The following ANKRD36 variants were observed in gnomAD, a reference collection of about 807,000 sequenced individuals.
The protein encoded by ANKRD36 is ankyrin repeat domain-containing protein 36A.
ANKRD36 carries 179 observed loss-of-function variants against 278.1 expected under a neutral mutation model. That is an observed-to-expected ratio of 0.64 (90% CI 0.57 to 0.73). ANKRD36 has a LOEUF of 0.73. ANKRD36 is among the 30% of genes least tolerant of loss of function. ANKRD36 has a pLI of 0.00. For synonymous variants in ANKRD36, 320 were observed against 641.1 expected (o/e 0.50, Z 7.57); for missense variants, 1,159 against 1,956.7 (o/e 0.59, Z 7.69).
chr2:97,132,066 A>T (rs1425664543), intron 6 of ANKRD36, among the ~76,000 whole-genome samples: 1 of 151,810 alleles, frequency 6.6e-6, no homozygotes, highest in African/African-American at 2.4e-5. Flanking sequence ...TGACCTTGTG[A>T]TCTGCCCGCC....
rs1439763980 is a variant in ANKRD36 at position 97,149,374 on chromosome 2, C to G, written c.1101+13C>G. The G allele has an allele frequency of 6.6e-7, 1 of 1,510,694 alleles. No individual in the cohort carries two copies. The highest frequency in any genetic ancestry group is 1.4e-5 in the African/African-American group (1 of 71,588). The allele number at this position is 1,510,694 out of a possible 1,614,324, so 93.6% of individuals were successfully genotyped here. On this transcript the variant is annotated intron_variant, in intron 12 of 75. Coordinates refer to ENST00000420699, the MANE Select transcript of ANKRD36 (RefSeq NM_001354587.1). The stretch of plus-strand genomic sequence containing the variant: ...TTTGGAATCTGAGGTAGAGTACTCT[C>G]TTGTGAAATTAATTTTCTCCCTCTG...
chr2:97,161,423 C>A (rs2048853372), intron 17 of ANKRD36, among the ~76,000 whole-genome samples: 1 of 151,988 alleles, frequency 6.6e-6, no homozygotes, highest in South Asian at 2.1e-4. Context: ...TTTCTCATAT[C>A]TTATTACTGT....
rs2050046129 is a variant in ANKRD36 at position 97,164,330 on chromosome 2, A to G, written c.1458+19A>G. 6.5e-7 allele frequency: 1 copy of G among 1,534,922 alleles called. No individual in the cohort carries two copies. Among genetic ancestry groups the G allele is most frequent in the Admixed American group, 2.0e-5 (1 of 50,684 alleles). On this transcript the variant is annotated intron_variant, in intron 19 of 75. Transcript: ENST00000420699. ...ATTCACGGTAAACATATTTTCTTTA[A>G]TTATTAACAAAATGCTCTGTGATAT...
intron 52 of ANKRD36, among the ~76,000 whole-genome samples, chr2:97,206,464 G>A (rs1024607361): frequency 2.0e-5 from 3 of 151,450 alleles, no homozygotes; most frequent in South Asian, 2.1e-4. Flanking sequence ...AAGAGAGGAA[G>A]TATCGATTTT....
At chr2:97,229,329 G>A (rs1156495535) in intron 67 of ANKRD36, among the ~76,000 whole-genome samples, 2 of 151,686 alleles carry the variant, frequency 1.3e-5, no homozygotes, top group Non-Finnish European at 2.9e-5. Flanking sequence ...TCCTGTATTG[G>A]GTGCATATAT....
At chr2:97,167,021 G>A (rs1403800277) in intron 20 of ANKRD36, among the ~76,000 whole-genome samples, 3 of 151,852 alleles carry the variant, frequency 2.0e-5, no homozygotes, top group African/African-American at 7.2e-5. Context: ...GGTTAGATTT[G>A]TTTTATGGGA....
rs1462673948 is a variant in ANKRD36, at chr2:97,155,082, AAT to A, written c.1260+342_1260+343del. On this transcript the variant is annotated intron_variant, in intron 15 of 75. Coordinates refer to ENST00000420699, the MANE Select transcript of ANKRD36 (RefSeq NM_001354587.1). ...TAGGCTTATCTGAGTAAGTGTTTTT[AAT>A]CTGAGTTGTATATCATATGAGTATG... Among the ~76,000 whole-genome samples, 27 of 139,544 alleles carry A rather than the reference AAT, an allele frequency of 1.9e-4. 2 individuals carry two copies. The highest frequency in any genetic ancestry group is 4.3e-4 in the South Asian group (2 of 4,654). The allele number at this position is 139,544 out of a possible 152,430, so 91.5% of individuals were successfully genotyped here.
rs1193846991 is a variant in ANKRD36 at position 97,127,371 on chromosome 2, G to A, written c.799+237G>A. Among the ~76,000 whole-genome samples, 6 of 151,696 alleles carry A rather than the reference G, an allele frequency of 4.0e-5. No homozygotes were observed. The South Asian group carries it at 1.3e-3, about 32-fold the overall frequency. On this transcript the variant is annotated intron_variant, in intron 6 of 75. Coordinates refer to ENST00000420699, the MANE Select transcript of ANKRD36 (RefSeq NM_001354587.1). ...AATTATGGTTCCTAATATTCTAGAT[G>A]ACCTTTTTGTGTAAATAAGAAAACA...
At chr2:97,232,232 G>T (rs1169310984) in intron 67 of ANKRD36, among the ~76,000 whole-genome samples, 1 of 150,894 alleles carries the variant, frequency 6.6e-6, no homozygotes, top group African/African-American at 2.4e-5. Flanking sequence ...TGACAGAAAA[G>T]ACATCTAAGA....
At chr2:97,138,584 CT>C (rs1357938601) in intron 6 of ANKRD36, among the ~76,000 whole-genome samples, 11 of 151,968 alleles carry the variant, frequency 7.2e-5, no homozygotes, top group Admixed American at 6.6e-5. Flanking sequence ...GAAAAAACTA[CT>C]TTAAATTTCA....
At chr2:97,160,400 G>A (rs2048580783) in intron 17 of ANKRD36, among the ~76,000 whole-genome samples, 1 of 151,860 alleles carries the variant, frequency 6.6e-6, no homozygotes, top group African/African-American at 2.4e-5. Flanking sequence ...GGGACATTTT[G>A]TGTTATTCTC....
intron 67 of ANKRD36, among the ~76,000 whole-genome samples, chr2:97,231,449 T>C (rs2072052986): frequency 6.6e-6 from 1 of 152,146 alleles, no homozygotes. Context: ...AGGTGCAGGA[T>C]ATAATTTCCT....
intron 16 of ANKRD36, 64 bp from the exon 17 acceptor site, chr2:97,158,524 G>A: frequency 1.3e-6 from 2 of 1,510,888 alleles, no homozygotes; most frequent in South Asian, 2.4e-5. Context: ...CCCACACCCG[G>A]TTCTTATTTC....
intron 46 of ANKRD36, among the ~76,000 whole-genome samples, chr2:97,201,946 C>G (rs1393943836): frequency 6.6e-6 from 1 of 151,848 alleles, no homozygotes; most frequent in Non-Finnish European, 1.5e-5. Context: ...TTGATATTGA[C>G]ATGGTTTTAT....
At chr2:97,170,108 A>T (rs979275554) in intron 22 of ANKRD36, among the ~76,000 whole-genome samples, 1 of 152,028 alleles carries the variant, frequency 6.6e-6, no homozygotes, top group African/African-American at 2.4e-5. Flanking sequence ...CAGAGGCCTC[A>T]GAAGCAACAC....
intron 44 of ANKRD36, 138 bp from the exon 45 acceptor site, chr2:97,200,196 C>G (rs1475570339): frequency 1.3e-6 from 2 of 1,537,180 alleles, no homozygotes; most frequent in South Asian, 2.4e-5. Flanking sequence ...GTTCTGATCC[C>G]CAGACACAAA....
chr2:97,140,355 G>C (rs1369230918), intron 6 of ANKRD36, among the ~76,000 whole-genome samples: 2 of 151,832 alleles, frequency 1.3e-5, no homozygotes, highest in African/African-American at 4.8e-5. Flanking sequence ...TTCTCTGGAA[G>C]GCATAGACAT....
intron 50 of ANKRD36, among the ~76,000 whole-genome samples, chr2:97,204,970 G>C (rs2062448328): frequency 6.6e-6 from 1 of 151,440 alleles, no homozygotes; most frequent in Non-Finnish European, 1.5e-5. Flanking sequence ...TTTAGTTATA[G>C]AAATGAGATA....
chr2:97,209,077 A>T (rs1224696395), intron 54 of ANKRD36, among the ~76,000 whole-genome samples: 2 of 146,670 alleles, frequency 1.4e-5, no homozygotes, highest in Admixed American at 6.7e-5. Context: ...CAAGAAACTT[A>T]GGCAAATTAT....
Sources: allele counts gnomAD v4.1 joint callset (sites outside exome capture counted in the v4.1 genomes callset), GRCh38; gene constraint gnomAD v4.1.1; transcripts MANE v1.5; gene names NCBI Gene and HGNC (gene_info 2026-07-23, HGNC 2026-07-21).